ABCC1: variants seen among roughly 807,000 people sequenced by gnomAD.
The protein encoded by ABCC1 is ATP binding cassette subfamily C member 1 (ABCC1 blood group).
ABCC1 carries 83 observed loss-of-function variants against 172.9 expected under a neutral mutation model. The ratio of observed to expected loss-of-function variants is 0.48; its 90% CI spans 0.40 to 0.58. The LOEUF (loss-of-function observed/expected upper bound fraction) is 0.58. Ranked by LOEUF, ABCC1 falls within the 20% of genes least tolerant of loss-of-function variation. The probability of loss-of-function intolerance (pLI) is 0.00; values close to 1 mark genes in which losing one functional copy is unlikely to be tolerated. For synonymous variants in ABCC1, 937 were observed against 825.2 expected, an observed-to-expected ratio of 1.14 and a Z score of -2.32; for missense variants, 1,817 against 2,002.7, an observed-to-expected ratio of 0.91 and a Z score of 1.77.
intron 1 of ABCC1, among the ~76,000 whole-genome samples, chr16:16,004,471 A>C (rs2047443495): frequency 6.6e-6 from 1 of 152,134 alleles, no homozygotes; most frequent in African/African-American, 2.4e-5. Flanking sequence ...AATTAACAGT[A>C]GTATGAAATC....
chr16:16,111,299 C>A, intron 21 of ABCC1, 76 bp from the exon 22 acceptor site: 3 of 1,230,394 alleles, frequency 2.4e-6, no homozygotes, highest in Admixed American at 3.6e-5. Context: ...GCTGGTGAAG[C>A]CCCCGACCTT....
Position 16,138,345 on chromosome 16 carries a change from T to G in ABCC1, c.4293-19T>G, listed in dbSNP as rs1596562771. On this transcript the variant is annotated intron_variant, in intron 29 of 30. Transcript: ENST00000399410. ...GGTTTGACCCAACACTATCTCCTGG[T>G]TTTTTTCTTCCGGTCAAGTGTCGGG... 1 of 905,752 alleles carries G rather than the reference T, an allele frequency of 1.1e-6. No individual in the cohort carries two copies. Among genetic ancestry groups the G allele is most frequent in the Non-Finnish European group, 1.4e-6 (1 of 694,160 alleles). The allele number at this position is 905,752 out of a possible 1,614,324, so 56.1% of individuals were successfully genotyped here. A position where few individuals can be genotyped will look rare whatever the true frequency, so the allele number is the denominator to read the frequency against.
At chr16:16,025,584 G>A (rs1010449189) in intron 5 of ABCC1, among the ~76,000 whole-genome samples, 1 of 152,202 alleles carries the variant, frequency 6.6e-6, no homozygotes, top group East Asian at 1.9e-4. Flanking sequence ...CAGAAAACCC[G>A]TTAGAACTAA....
intron 7 of ABCC1, among the ~76,000 whole-genome samples, chr16:16,040,991 G>C (rs1162041634): frequency 6.6e-6 from 1 of 151,748 alleles, no homozygotes; most frequent in Non-Finnish European, 1.5e-5. Flanking sequence ...GCAGTGGCAC[G>C]ATCTCGGCTC....
At chr16:16,125,061 G>A in intron 25 of ABCC1, 146 bp downstream of exon 25, 2 of 1,148,814 alleles carry the variant, frequency 1.7e-6, no homozygotes, top group South Asian at 3.0e-5. Flanking sequence ...GTGCCACAGT[G>A]CCTGGTGACC....
chr16:16,063,755 A>T (rs1416961099), intron 12 of ABCC1, among the ~76,000 whole-genome samples: 7 of 152,186 alleles, frequency 4.6e-5, no homozygotes, highest in Non-Finnish European at 1.0e-4. Flanking sequence ...TTTCTTTATT[A>T]GCTGGTAGTT....
At chr16:16,061,531 A>G (rs1161281909) in intron 12 of ABCC1, among the ~76,000 whole-genome samples, 2 of 152,192 alleles carry the variant, frequency 1.3e-5, no homozygotes, top group East Asian at 1.9e-4. Flanking sequence ...GAATTCTCCC[A>G]GTTGAGAACC....
rs1394861580 is a variant in ABCC1 at position 16,041,690 on chromosome 16, C to A, written c.810-2760C>A. Among the ~76,000 whole-genome samples, 4 of 152,150 alleles carry A rather than the reference C, an allele frequency of 2.6e-5. No homozygotes were observed. The East Asian group carries it at 7.7e-4, about 29-fold the overall frequency. On this transcript the variant is annotated intron_variant, in intron 7 of 30. Coordinates refer to ENST00000399410, the MANE Select transcript of ABCC1 (RefSeq NM_004996.4). ...GGAATGCAGCTCGTGCAGCTCTGGG[C>A]TGCTGGGTATCCTAGGCTCGGGGAT...
At chr16:15,990,991 G>A (rs1217465467) in intron 1 of ABCC1, among the ~76,000 whole-genome samples, 4 of 151,982 alleles carry the variant, frequency 2.6e-5, no homozygotes, top group Non-Finnish European at 5.9e-5. Flanking sequence ...AAGGCTGAGC[G>A]ATAGTCCATG....
chr16:16,134,054 G>T (rs1042425234), intron 27 of ABCC1, among the ~76,000 whole-genome samples: 1 of 152,118 alleles, frequency 6.6e-6, no homozygotes, highest in Non-Finnish European at 1.5e-5. Flanking sequence ...TAAACAAATA[G>T]GGCTTTGTTG....
At chr16:16,068,630 CTT>C (rs1221019633) in intron 13 of ABCC1, among the ~76,000 whole-genome samples, 2 of 152,234 alleles carry the variant, frequency 1.3e-5, no homozygotes, top group African/African-American at 4.8e-5. Flanking sequence ...AAACGTAGCT[CTT>C]GTCTGACTTG....
intron 19 of ABCC1, among the ~76,000 whole-genome samples, chr16:16,102,145 G>C (rs1354074029): frequency 6.6e-6 from 1 of 152,214 alleles, no homozygotes; most frequent in African/African-American, 2.4e-5. Flanking sequence ...TGGCACTACA[G>C]GGGTCTCCGG....
At chr16:16,126,695 T>G (rs1286800106) in intron 26 of ABCC1, among the ~76,000 whole-genome samples, 1 of 152,174 alleles carries the variant, frequency 6.6e-6, no homozygotes, top group Non-Finnish European at 1.5e-5. Context: ...TGTTATGTAT[T>G]TGTATAGGGG....
rs191160482 is a variant in ABCC1 at position 15,998,333 on chromosome 16, C to G, written c.49-9483C>G. The stretch of plus-strand genomic sequence containing the variant: ...GTGAAGACAGGGTCTTACTTTGTTG[C>G]CCAGGCTTTTCTTGAACTCCTGAGC... On this transcript the variant is annotated intron_variant, in intron 1 of 30. Coordinates refer to ENST00000399410, the MANE Select transcript of ABCC1 (RefSeq NM_004996.4). Among the ~76,000 whole-genome samples, 14 of 151,902 alleles carry G rather than the reference C, an allele frequency of 9.2e-5. No homozygotes were observed. In the East Asian group the frequency reaches 2.1e-3, roughly 23 times the overall value.
rs2049194221 is a variant in ABCC1 at position 16,046,024 on chromosome 16, C to G, written c.1218+11C>G. ...GCTGTCTATCGGAAGGTAGGGGACG[C>G]TGTGCCATTGGCATGTGGCCCGACT... On this transcript the variant is annotated intron_variant, in intron 9 of 30. Coordinates refer to ENST00000399410, the MANE Select transcript of ABCC1 (RefSeq NM_004996.4). 1.9e-6 allele frequency: 3 copies of G among 1,613,340 alleles called. No homozygotes were observed. The highest frequency in any genetic ancestry group is 1.3e-5 in the African/African-American group (1 of 74,922).
intron 1 of ABCC1, among the ~76,000 whole-genome samples, chr16:15,966,919 A>T (rs2046256177): frequency 6.6e-6 from 1 of 152,142 alleles, no homozygotes; most frequent in Non-Finnish European, 1.5e-5. Flanking sequence ...GGCCTCAAGC[A>T]GTTCTCCTGC....
At chr16:16,110,375 G>A (rs1050880128) in intron 21 of ABCC1, among the ~76,000 whole-genome samples, 8 of 151,412 alleles carry the variant, frequency 5.3e-5, no homozygotes, top group African/African-American at 1.7e-4. Flanking sequence ...TGTGAGCCAC[G>A]ATGCCCAGCA....
chr16:16,021,761 C>G (rs2048203219), intron 5 of ABCC1, among the ~76,000 whole-genome samples: 1 of 152,126 alleles, frequency 6.6e-6, no homozygotes, highest in Admixed American at 6.6e-5. Flanking sequence ...ACATAACTAC[C>G]TAGCAACGTA....
At chr16:16,064,244 A>T (rs1256038174) in intron 12 of ABCC1, among the ~76,000 whole-genome samples, 1 of 151,932 alleles carries the variant, frequency 6.6e-6, no homozygotes, top group Non-Finnish European at 1.5e-5. Context: ...TGCACCCTAG[A>T]CCCTCGCCTA....
Sources: gnomAD v4.1 joint callset for allele counts (sites outside exome capture counted in the v4.1 genomes callset) on GRCh38, gnomAD v4.1.1 for gene constraint, MANE v1.5 for transcripts, NCBI Gene and HGNC (gene_info 2026-07-23, HGNC 2026-07-21) for gene names.